KSR2: variants seen among roughly 807,000 people sequenced by gnomAD.
KSR2 encodes kinase suppressor of ras 2.
A neutral mutation model predicts 107.8 loss-of-function variants in KSR2; 25 were observed. The ratio of observed to expected loss-of-function variants is 0.23; its 90% CI spans 0.17 to 0.32. The LOEUF (loss-of-function observed/expected upper bound fraction) is 0.32. Ranked by LOEUF, KSR2 falls within the 10% of genes least tolerant of loss-of-function variation. The probability of loss-of-function intolerance (pLI) is 1.00; values close to 1 mark genes in which losing one functional copy is unlikely to be tolerated. For missense variants in KSR2, 887 were observed against 1,268.9 expected (o/e 0.70, Z 4.57); for synonymous variants, 480 against 507.0 (o/e 0.95, Z 0.71).
chr12:117,796,868 A>G (rs1263141892), intron 3 of KSR2, among the ~76,000 whole-genome samples: 1 of 152,110 alleles, frequency 6.6e-6, no homozygotes, highest in Non-Finnish European at 1.5e-5. Flanking sequence ...AGCCTCCAAA[A>G]TGCCCAGCAA....
At chr12:117,469,522 G>T in intron 19 of KSR2, 140 bp downstream of exon 19, 1 of 950,686 alleles carries the variant, frequency 1.1e-6, no homozygotes, top group Non-Finnish European at 1.6e-6. Context: ...AAACCTAGTA[G>T]GGAAGAGTGG....
intron 3 of KSR2, among the ~76,000 whole-genome samples, chr12:117,813,792 G>T (rs1291602313): frequency 6.6e-6 from 1 of 152,150 alleles, no homozygotes; most frequent in East Asian, 1.9e-4. Context: ...CAAAGGAAAA[G>T]AAACCAGCTT....
chr12:117,884,607 G>C (rs1436174261), intron 1 of KSR2, among the ~76,000 whole-genome samples: 1 of 152,202 alleles, frequency 6.6e-6, no homozygotes, highest in African/African-American at 2.4e-5. Flanking sequence ...ACTGCCTTGA[G>C]ACCAAAGAAA....
chr12:117,741,167 C>T (rs1888204296), intron 4 of KSR2, among the ~76,000 whole-genome samples: 1 of 152,010 alleles, frequency 6.6e-6, no homozygotes, highest in African/African-American at 2.4e-5. Flanking sequence ...AAATAAATAG[C>T]GATAGTAAAG....
chr12:117,672,615 G>A (rs1356969313), intron 4 of KSR2, among the ~76,000 whole-genome samples: 5 of 151,974 alleles, frequency 3.3e-5, no homozygotes, highest in African/African-American at 7.3e-5. Flanking sequence ...ATTTTCACCC[G>A]AAATATCCAA....
intron 6 of KSR2, among the ~76,000 whole-genome samples, chr12:117,580,828 G>A (rs1355634787): frequency 6.6e-6 from 1 of 151,798 alleles, no homozygotes; most frequent in East Asian, 1.9e-4. Flanking sequence ...TCCAGGGGCC[G>A]AGCTGAGCCA....
chr12:117,852,513 A>G (rs1227120034), intron 3 of KSR2, among the ~76,000 whole-genome samples: 2 of 152,034 alleles, frequency 1.3e-5, no homozygotes, highest in Non-Finnish European at 2.9e-5. Context: ...AAAAATGACT[A>G]TTCTTCCCCA....
At chr12:117,541,712 GC>G (rs370628139) in intron 9 of KSR2, among the ~76,000 whole-genome samples, 3 of 152,094 alleles carry the variant, frequency 2.0e-5, no homozygotes, top group African/African-American at 7.2e-5. Context: ...ACACCCAATA[GC>G]AAAGGAGGTC....
At chr12:117,810,088 G>T (rs1357410444) in intron 3 of KSR2, among the ~76,000 whole-genome samples, 1 of 152,142 alleles carries the variant, frequency 6.6e-6, no homozygotes, top group Non-Finnish European at 1.5e-5. Flanking sequence ...AGCCCTCAAG[G>T]ACTGGCCACC....
At chr12:117,770,410 T>C (rs2047931) in intron 3 of KSR2, among the ~76,000 whole-genome samples, 87,222 of 151,816 alleles carry the variant, frequency 0.57, 26,708 homozygotes, top group African/African-American at 0.78. Context: ...ACCGATTCTC[T>C]CCCAGAGCCT....
At chr12:117,655,327 T>C (rs11068604) in intron 5 of KSR2, among the ~76,000 whole-genome samples, 13,999 of 152,208 alleles carry the variant, frequency 0.092, 941 homozygotes, top group East Asian at 0.3. Flanking sequence ...CTCATGGAAT[T>C]CACTGGTCTT....
chr12:117,514,746 C>T (rs1874257075), intron 14 of KSR2, among the ~76,000 whole-genome samples: 1 of 151,974 alleles, frequency 6.6e-6, no homozygotes, highest in East Asian at 1.9e-4. Context: ...TGGGGTGTCC[C>T]TGTGCTGCCC....
At chr12:117,527,885 C>A (rs1031458259) in intron 12 of KSR2, among the ~76,000 whole-genome samples, 5 of 151,224 alleles carry the variant, frequency 3.3e-5, no homozygotes, top group South Asian at 4.2e-4. Flanking sequence ...GTAGGTCTTG[C>A]CAATCACATG....
At chr12:117,957,098 T>A (rs753696093) in intron 1 of KSR2, among the ~76,000 whole-genome samples, 1 of 152,246 alleles carries the variant, frequency 6.6e-6, no homozygotes, top group Non-Finnish European at 1.5e-5. Context: ...TCTAATCACA[T>A]CATTACCATT....
At chr12:117,601,368 G>C (rs936556548) in intron 5 of KSR2, among the ~76,000 whole-genome samples, 1 of 151,606 alleles carries the variant, frequency 6.6e-6, no homozygotes, top group Non-Finnish European at 1.5e-5. Context: ...GGAACCTCCA[G>C]ATGTGACTTT....
chr12:117,763,009 T>C (rs1214451218), intron 3 of KSR2, among the ~76,000 whole-genome samples: 4 of 152,134 alleles, frequency 2.6e-5, no homozygotes, highest in African/African-American at 4.8e-5. Flanking sequence ...CATTTAACAT[T>C]AGGTATATCT....
chr12:117,838,367 CTG>C (rs1323010313), intron 3 of KSR2, among the ~76,000 whole-genome samples: 5 of 152,184 alleles, frequency 3.3e-5, no homozygotes, highest in Non-Finnish European at 4.4e-5. Flanking sequence ...TGGGGTTTCA[CTG>C]TGTTAGCCAG....
chr12:117,954,738 G>T (rs547678416), intron 1 of KSR2, among the ~76,000 whole-genome samples: 1 of 152,122 alleles, frequency 6.6e-6, no homozygotes, highest in Non-Finnish European at 1.5e-5. Context: ...ATTTGTGGCC[G>T]GGCACAGTGG....
intron 1 of KSR2, among the ~76,000 whole-genome samples, chr12:117,941,089 AAAT>A (rs943024602): frequency 1.2e-4 from 18 of 152,144 alleles, no homozygotes; most frequent in African/African-American, 3.9e-4. Flanking sequence ...TGTCTCAAAA[AAAT>A]AATAATAATA....
Sources: gnomAD v4.1 joint callset for allele counts (sites outside exome capture counted in the v4.1 genomes callset) on GRCh38, gnomAD v4.1.1 for gene constraint, MANE v1.5 for transcripts, NCBI Gene and HGNC (gene_info 2026-07-23, HGNC 2026-07-21) for gene names.